Variants in SYNPR observed in about 807,000 individuals in gnomAD.
The protein encoded by SYNPR is synaptoporin.
A neutral mutation model predicts 32.9 loss-of-function variants in SYNPR; 23 were observed. The observed-to-expected ratio is 0.70, with a 90% confidence interval of 0.50 to 0.99. SYNPR has a LOEUF of 0.99. Ranked by LOEUF, SYNPR falls within the 50% of genes least tolerant of loss-of-function variation. The probability of loss-of-function intolerance (pLI) is 0.00; values close to 1 mark genes in which losing one functional copy is unlikely to be tolerated. For missense variants in SYNPR, 318 were observed against 349.3 expected, an observed-to-expected ratio of 0.91 and a Z score of 0.71; for synonymous variants, 146 against 135.9, an observed-to-expected ratio of 1.07 and a Z score of -0.52.
At chr3:63,349,977 A>G (rs917974191) in intron 2 of SYNPR, among the ~76,000 whole-genome samples, 5 of 152,162 alleles carry the variant, frequency 3.3e-5, no homozygotes, top group African/African-American at 1.2e-4. Context: ...TTTAAATATA[A>G]CTTTTCTTAA....
At chr3:63,514,762 C>T (rs191537527) in intron 3 of SYNPR, among the ~76,000 whole-genome samples, 105 of 152,196 alleles carry the variant, frequency 6.9e-4, no homozygotes, top group African/African-American at 2.2e-3. Flanking sequence ...GCTTTTTCTC[C>T]AAGCTCTTAA....
chr3:63,411,933 CA>C (rs2088472192), intron 2 of SYNPR, among the ~76,000 whole-genome samples: 1 of 151,922 alleles, frequency 6.6e-6, no homozygotes, highest in African/African-American at 2.4e-5. Context: ...ATAGTAGGAA[CA>C]GTGGATGGGG....
intron 2 of SYNPR, among the ~76,000 whole-genome samples, chr3:63,459,954 G>A (rs889373551): frequency 2.0e-5 from 3 of 151,880 alleles, no homozygotes; most frequent in African/African-American, 7.3e-5. Context: ...CACAATTTCC[G>A]TCAATCTGTC....
chr3:63,300,576 C>T (rs1208467572), intron 2 of SYNPR, among the ~76,000 whole-genome samples: 1 of 152,034 alleles, frequency 6.6e-6, no homozygotes, highest in Non-Finnish European at 1.5e-5. Flanking sequence ...AAAAGGTAGT[C>T]CCTGCTCTAG....
chr3:63,419,787 T>C (rs1305333201), intron 2 of SYNPR, among the ~76,000 whole-genome samples: 1 of 152,186 alleles, frequency 6.6e-6, no homozygotes, highest in African/African-American at 2.4e-5. Context: ...GAAGCTCTCA[T>C]GTGAAGGATC....
At chr3:63,555,518 C>T (rs2106826682) in intron 3 of SYNPR, among the ~76,000 whole-genome samples, 1 of 152,214 alleles carries the variant, frequency 6.6e-6, no homozygotes, top group Non-Finnish European at 1.5e-5. Context: ...GGATATAACA[C>T]ATCTTCCTTA....
At chr3:63,611,211 C>T (rs1700192408) in intron 5 of SYNPR, among the ~76,000 whole-genome samples, 1 of 152,178 alleles carries the variant, frequency 6.6e-6, no homozygotes, top group African/African-American at 2.4e-5. Flanking sequence ...GAAACAGGTT[C>T]TAGAAAGAGC....
At chr3:63,549,511 T>A (rs981496563) in intron 3 of SYNPR, among the ~76,000 whole-genome samples, 5 of 152,170 alleles carry the variant, frequency 3.3e-5, no homozygotes, top group African/African-American at 1.2e-4. Context: ...AAGCCTCAGT[T>A]TCCTCCTCTG....
intron 2 of SYNPR, among the ~76,000 whole-genome samples, chr3:63,354,756 C>T (rs1414877398): frequency 6.6e-6 from 1 of 152,176 alleles, no homozygotes; most frequent in Admixed American, 6.5e-5. Flanking sequence ...CAAATGTCTT[C>T]TGAGTGTAGA....
intron 2 of SYNPR, among the ~76,000 whole-genome samples, chr3:63,371,022 G>C (rs1391821414): frequency 6.6e-6 from 1 of 152,072 alleles, no homozygotes; most frequent in African/African-American, 2.4e-5. Context: ...CCTTTAACTG[G>C]AACATTCAGG....
chr3:63,435,189 A>G (rs1467916372), intron 2 of SYNPR, among the ~76,000 whole-genome samples: 1 of 152,218 alleles, frequency 6.6e-6, no homozygotes, highest in African/African-American at 2.4e-5. Context: ...CAGACAACCC[A>G]GGTTCAAGCC....
Position 63,310,766 on chromosome 3 carries a change from A to G in SYNPR, c.84+32024A>G, listed in dbSNP as rs2086956071. Reference sequence around the variant, plus strand: ...CCTGGATATGAATTCCAGCCCTAGAACAAGGTGTGGAGCCCTATATGAACC... The same window carrying G: ...CCTGGATATGAATTCCAGCCCTAGAGCAAGGTGTGGAGCCCTATATGAACC... On this transcript the variant is annotated intron_variant, in intron 2 of 5. Coordinates refer to ENST00000478300, the MANE Select transcript of SYNPR (RefSeq NM_001130003.2). Among the ~76,000 whole-genome samples the G allele has an allele frequency of 2.0e-5, 3 of 152,030 alleles. No individual in the cohort carries two copies. The South Asian group carries it at 6.2e-4, about 31-fold the overall frequency.
At chr3:63,234,061 A>G (rs2086183736) in intron 1 of SYNPR, among the ~76,000 whole-genome samples, 1 of 152,198 alleles carries the variant, frequency 6.6e-6, no homozygotes, top group African/African-American at 2.4e-5. Flanking sequence ...TGATAAAGGC[A>G]TACCTGAGAC....
chr3:63,298,149 T>C (rs567737428), intron 2 of SYNPR, among the ~76,000 whole-genome samples: 66 of 152,272 alleles, frequency 4.3e-4, no homozygotes, highest in African/African-American at 1.5e-3. Flanking sequence ...GTTCTTTGTT[T>C]TAAAGTTAAA....
At chr3:63,437,216 C>T (rs2107153705) in intron 2 of SYNPR, among the ~76,000 whole-genome samples, 1 of 152,180 alleles carries the variant, frequency 6.6e-6, no homozygotes, top group East Asian at 1.9e-4. Context: ...CCTCTAGAGA[C>T]AAAATAAAAC....
the SYNPR span, among the ~76,000 whole-genome samples, chr3:63,209,841 T>C: frequency 6.6e-6 from 1 of 152,202 alleles, no homozygotes; most frequent in South Asian, 2.1e-4. Context: ...AATTAGTTGC[T>C]TAGCATCTGT....
intron 2 of SYNPR, among the ~76,000 whole-genome samples, chr3:63,257,523 G>C (rs1446910560): frequency 6.6e-6 from 1 of 151,744 alleles, no homozygotes; most frequent in Non-Finnish European, 1.5e-5. Flanking sequence ...AATGCTGAGA[G>C]ATTTTGTCAC....
chr3:63,474,516 A>T (rs997882464), intron 2 of SYNPR, among the ~76,000 whole-genome samples: 1 of 152,160 alleles, frequency 6.6e-6, no homozygotes, highest in Non-Finnish European at 1.5e-5. Context: ...AAAGTGAATG[A>T]AGGTCCCTGG....
At chr3:63,234,523 A>C (rs2086187996) in intron 1 of SYNPR, among the ~76,000 whole-genome samples, 1 of 152,200 alleles carries the variant, frequency 6.6e-6, no homozygotes, top group Admixed American at 6.5e-5. Flanking sequence ...ATCATATTCT[A>C]ATGCTGTATA....
Sources: gnomAD v4.1 joint callset for allele counts (sites outside exome capture counted in the v4.1 genomes callset) on GRCh38, gnomAD v4.1.1 for gene constraint, MANE v1.5 for transcripts, NCBI Gene and HGNC (gene_info 2026-07-23, HGNC 2026-07-21) for gene names.